Variants in GID4 observed in about 807,000 individuals in gnomAD.
GID4 encodes GID complex subunit 4 homolog, also known as glucose-induced degradation protein 4 homolog.
A neutral mutation model predicts 32.4 loss-of-function variants in GID4; 7 were observed. The ratio of observed to expected loss-of-function variants is 0.22; its 90% CI spans 0.12 to 0.41. The LOEUF is 0.41. GID4 is among the 10% of genes least tolerant of loss of function. GID4 has a pLI of 1.00. For missense variants in GID4, 309 were observed against 400.0 expected, an observed-to-expected ratio of 0.77 and a Z score of 1.94; for synonymous variants, 166 against 170.0, an observed-to-expected ratio of 0.98 and a Z score of 0.18.
At chr17:18,044,856 G>A (rs2044837334) in intron 1 of GID4, among the ~76,000 whole-genome samples, 1 of 152,210 alleles carries the variant, frequency 6.6e-6, no homozygotes. Flanking sequence ...GACGTGTGTT[G>A]AAGATAGTAC....
rs2045076591 is a variant in GID4, at chr17:18,067,484, A to T, written c.*2241A>T. On this transcript the variant is annotated 3_prime_UTR_variant, in exon 6 of 6. Coordinates refer to ENST00000268719, the MANE Select transcript of GID4 (RefSeq NM_024052.5). ...TTGTACTGGGAAGAATGAAGAGGTG[A>T]TACCTTTACTAGATCCTTCAGACAC... The T allele has an allele frequency of 3.3e-5, 5 of 152,478 alleles. No individual in the cohort carries two copies. The South Asian group carries it at 1.0e-3, about 32-fold the overall frequency. 9.4% of individuals were successfully genotyped at this position (152,478 alleles called of 1,614,324 possible). A position where few individuals can be genotyped will look rare whatever the true frequency, so the allele number is the denominator to read the frequency against.
intron 2 of GID4, 35 bp from the exon 3 acceptor site, chr17:18,054,092 A>G: frequency 8.4e-7 from 1 of 1,197,104 alleles, no homozygotes; most frequent in Non-Finnish European, 1.2e-6. Context: ...ACTCTCACTC[A>G]ACATCTTATT....
At chr17:18,055,830 T>C (rs1411580971) in intron 3 of GID4, among the ~76,000 whole-genome samples, 1 of 151,130 alleles carries the variant, frequency 6.6e-6, no homozygotes, top group Non-Finnish European at 1.5e-5. Context: ...TTGTTTTGTT[T>C]TGTTCTGTTT....
chr17:18,057,901 T>C (rs2044984212), intron 3 of GID4, among the ~76,000 whole-genome samples: 1 of 152,158 alleles, frequency 6.6e-6, no homozygotes. Context: ...TGGCACGATC[T>C]CGGCTCATTG....
chr17:18,049,486 T>A (rs1008232044), intron 2 of GID4, among the ~76,000 whole-genome samples: 4 of 152,154 alleles, frequency 2.6e-5, no homozygotes, highest in Non-Finnish European at 4.4e-5. Context: ...GCAGGTTTGA[T>A]CTATAGATAA....
rs894261851 is a variant in GID4 at position 18,061,352 on chromosome 17, G to T, written c.709-493G>T. Among the ~76,000 whole-genome samples, 1 of 152,174 alleles carries T rather than the reference G, an allele frequency of 6.6e-6. No individual in the cohort carries two copies. The highest frequency in any genetic ancestry group is 1.5e-5 in the Non-Finnish European group (1 of 68,040). On this transcript the variant is annotated intron_variant, in intron 4 of 5. Transcript: ENST00000268719. This position sits in a 1 kb window ranked among gnomAD's most constrained non-coding sequence, Gnocchi z 4.4. ...TTGACAAGGCGTCAAGCTCTTGGAG[G>T]GGGTGTCACAGGGGCTACTGGCAAC... is the stretch of plus-strand genomic sequence containing the variant.
rs1286248414 is a variant in GID4, at chr17:18,039,617, C to T, written c.153C>T (p.Arg51=). The part of the protein sequence containing the change: ...RPSRPHPARA[R]PGLSLPATLL... ...CCCGCCCCCACCCCGCGCGTGCGCGCCCCGGCCTCTCCCTCCCCGCCACCC... is the reference window on the plus strand; with the variant it reads ...CCCGCCCCCACCCCGCGCGTGCGCGTCCCGGCCTCTCCCTCCCCGCCACCC... Residue 51 remains arginine, a synonymous_variant, in exon 1 of 6, where the codon CGC becomes CGT. Transcript: ENST00000268719. This position sits in a 1 kb window ranked among gnomAD's most constrained non-coding sequence, Gnocchi z 5.3. 1.6e-6 allele frequency: 2 copies of T among 1,283,856 alleles called. No individual in the cohort carries two copies. Among genetic ancestry groups the T allele is most frequent in the African/African-American group, 1.6e-5 (1 of 63,710 alleles). The allele number at this position is 1,283,856 out of a possible 1,614,324, so 79.5% of individuals were successfully genotyped here. A position where few individuals can be genotyped will look rare whatever the true frequency, so the allele number is the denominator to read the frequency against.
At chr17:18,059,981 G>A (rs1320047079) in intron 4 of GID4, among the ~76,000 whole-genome samples, 1 of 151,282 alleles carries the variant, frequency 6.6e-6, no homozygotes, top group Non-Finnish European at 1.5e-5. Context: ...AGCTACTCAG[G>A]AGGCTAAGGC....
intron 1 of GID4, among the ~76,000 whole-genome samples, chr17:18,041,244 T>C (rs751260518): frequency 3.0e-4 from 46 of 152,240 alleles, no homozygotes; most frequent in Non-Finnish European, 4.4e-4. Flanking sequence ...ATGTACAGTA[T>C]ATTTATTCCT....
chr17:18,056,663 T>C (rs751843865), intron 3 of GID4: 1 of 1,536,550 alleles, frequency 6.5e-7, no homozygotes, highest in Non-Finnish European at 8.8e-7. Context: ...AATTAAATAC[T>C]TGGAAAGCAA....
chr17:18,045,570 GT>G (rs1263183577), intron 2 of GID4, among the ~76,000 whole-genome samples: 1 of 151,994 alleles, frequency 6.6e-6, no homozygotes, highest in Admixed American at 6.6e-5. Context: ...GAGCTTTTAA[GT>G]TCTTTAAGCC....
Position 18,039,825 on chromosome 17 carries a change from C to G in GID4, c.361C>G (p.Leu121Val), listed in dbSNP as rs2044770646. 1 of 1,573,578 alleles carries G rather than the reference C, an allele frequency of 6.4e-7. No homozygotes were observed. The highest frequency in any genetic ancestry group is 8.6e-7 in the Non-Finnish European group (1 of 1,160,542). Reference sequence around the variant, plus strand: ...CCAGCAGCCCGGCGTGGCCACCAGCCTGCTCTACAGCGGCTCCAAGTTCCG... The same window carrying G: ...CCAGCAGCCCGGCGTGGCCACCAGCGTGCTCTACAGCGGCTCCAAGTTCCG... ...NTQQPGVATS[L>V]LYSGSKFRGH... The change falls in exon 1 of 6, where the codon CTG becomes GTG. Residue 121 changes from leucine (L) to valine (V), a missense_variant. Physicochemically the swap from Leu to Val is conservative, Grantham distance 32 (BLOSUM62 1). This residue lies in a region of GID4 where 193 missense variants were observed against 185.8 expected (regional missense o/e 1.04). Coordinates refer to ENST00000268719, the MANE Select transcript of GID4 (RefSeq NM_024052.5). The surrounding 1 kb of genome is among the most constrained non-coding windows in gnomAD (Gnocchi z 5.3).
intron 1 of GID4, among the ~76,000 whole-genome samples, chr17:18,041,198 TC>T (rs956075205): frequency 1.3e-5 from 2 of 150,972 alleles, no homozygotes; most frequent in African/African-American, 2.4e-5. Context: ...CCCCACTGCC[TC>T]CCCCCCGCCC....
chr17:18,049,202 G>A (rs2044884994), intron 2 of GID4, among the ~76,000 whole-genome samples: 1 of 151,740 alleles, frequency 6.6e-6, no homozygotes, highest in Non-Finnish European at 1.5e-5. Context: ...TGGACATGGT[G>A]GCGGGCACCT....
intron 5 of GID4, among the ~76,000 whole-genome samples, chr17:18,064,759 A>G (rs184932044): frequency 1.3e-5 from 2 of 152,180 alleles, no homozygotes; most frequent in African/African-American, 2.4e-5. Context: ...CTCTTTAGAT[A>G]CCATGAGAAT....
At chr17:18,050,436 G>A (rs1408924271) in intron 2 of GID4, among the ~76,000 whole-genome samples, 1 of 152,162 alleles carries the variant, frequency 6.6e-6, no homozygotes, top group Admixed American at 6.5e-5. Flanking sequence ...CGACCTTTCC[G>A]GGGAACCCAG....
intron 2 of GID4, among the ~76,000 whole-genome samples, chr17:18,051,980 A>T (rs1037334119): frequency 6.6e-6 from 1 of 150,406 alleles, no homozygotes; most frequent in African/African-American, 2.4e-5. Context: ...AGGCTGAGGC[A>T]GGAGAATCAC....
intron 1 of GID4, among the ~76,000 whole-genome samples, chr17:18,043,262 TAG>T (rs2044820860): frequency 6.6e-6 from 1 of 152,152 alleles, no homozygotes; most frequent in Non-Finnish European, 1.5e-5. Context: ...TTGGGCAGAG[TAG>T]AGAGACGCTT....
At position 18,062,928 on chromosome 17, in the gene GID4, G is replaced by T. The variant is rs141143405; in HGVS notation, c.839+953G>T. Among the ~76,000 whole-genome samples the T allele has an allele frequency of 6.3e-3, 957 of 151,112 alleles. 17 individuals are homozygous for T. The highest frequency in any genetic ancestry group is 0.022 in the African/African-American group (918 of 41,112). On this transcript the variant is annotated intron_variant, in intron 5 of 5. Coordinates refer to ENST00000268719, the MANE Select transcript of GID4 (RefSeq NM_024052.5). ...GTCTCTACTAAAAAACAAAAAATTA[G>T]CCAGGCATGGTGACAGGCACCTGTA... is the stretch of plus-strand genomic sequence containing the variant.
Sources: allele counts gnomAD v4.1 joint callset (sites outside exome capture counted in the v4.1 genomes callset), GRCh38; gene constraint gnomAD v4.1.1; regional missense constraint gnomAD v4.1.1; non-coding constraint Gnocchi (gnomAD v3.1); transcripts MANE v1.5; gene names NCBI Gene and HGNC (gene_info 2026-07-23, HGNC 2026-07-21).